The following PCM1 variants were observed in gnomAD, a reference collection of about 807,000 sequenced individuals.
PCM1 encodes pericentriolar material 1 protein.
In PCM1, 157 loss-of-function variants were observed where a neutral mutation model predicts 241.9. The observed-to-expected ratio is 0.65, with a 90% CI of 0.57 to 0.74. PCM1 has a LOEUF of 0.74. PCM1 is among the 30% of genes least tolerant of loss of function. PCM1 has a pLI of 0.00. For missense variants in PCM1, 3,478 were observed against 2,360.1 expected, an observed-to-expected ratio of 1.47 and a Z score of -9.81; for synonymous variants, 1,085 against 784.9, an observed-to-expected ratio of 1.38 and a Z score of -6.39.
intron 21 of PCM1, among the ~76,000 whole-genome samples, chr8:17,968,457 AGCT>A (rs2075714874): frequency 6.6e-6 from 1 of 152,212 alleles, no homozygotes; most frequent in Non-Finnish European, 1.5e-5. Context: ...AAAGAATGAT[AGCT>A]TGGCCTTAGG....
At chr8:17,932,849 A>G (rs2059425948) in intron 2 of PCM1, among the ~76,000 whole-genome samples, 2 of 152,174 alleles carry the variant, frequency 1.3e-5, no homozygotes. Context: ...AGTATGATAT[A>G]AGGCAGCCTT....
At chr8:18,001,692 T>C (rs1446219682) in intron 29 of PCM1, among the ~76,000 whole-genome samples, 2 of 152,234 alleles carry the variant, frequency 1.3e-5, no homozygotes, top group East Asian at 1.9e-4. Flanking sequence ...TAGTTTCTTA[T>C]ATTGTACTCA....
In PCM1 at chr8:17,972,446, A is replaced by T; in HGVS notation, c.3702A>T (p.Lys1234Asn). Residue 1234 changes from lysine (K) to asparagine (N), a missense_variant, in exon 23 of 39, where the codon AAA (lysine) becomes AAT (asparagine). Transcript: ENST00000325083. ...CTGGATTTTCAGTGTCTGTAGAAAA[A>T]TCTACAAGTAGTAACCGCAAAAATC... ...IKTGFSVSVE[K>N]STSSNRKNQL... is the part of the protein sequence containing the mutation. The T allele has an allele frequency of 6.2e-7, 1 of 1,613,086 alleles. No individual in the cohort carries two copies. The highest frequency in any genetic ancestry group is 1.7e-5 in the Admixed American group (1 of 59,882).
intron 6 of PCM1, among the ~76,000 whole-genome samples, chr8:17,945,475 C>A (rs2129453379): frequency 6.6e-6 from 1 of 152,266 alleles, no homozygotes; most frequent in East Asian, 1.9e-4. Context: ...GACTAGGCAC[C>A]TCTGATGTTT....
chr8:17,960,289 T>C (rs371248440), intron 14 of PCM1, 26 bp from the exon 15 acceptor site: 73 of 1,590,954 alleles, frequency 4.6e-5, no homozygotes, highest in Admixed American at 7.5e-5. Context: ...TTGGAGTCCA[T>C]AAATATAATG....
At chr8:18,018,723 A>C (rs1269607707) in intron 36 of PCM1, among the ~76,000 whole-genome samples, 2 of 151,300 alleles carry the variant, frequency 1.3e-5, no homozygotes, top group Non-Finnish European at 2.9e-5. Flanking sequence ...AGGCAGGAGA[A>C]TCGCTTGAAC....
At chr8:18,021,920 A>C (rs1489814248) in intron 36 of PCM1, among the ~76,000 whole-genome samples, 1 of 152,214 alleles carries the variant, frequency 6.6e-6, no homozygotes, top group Non-Finnish European at 1.5e-5. Flanking sequence ...TGGATTATGC[A>C]AAAGTCTATT....
intron 6 of PCM1, chr8:17,940,083 A>G (rs1349226633): frequency 1.3e-6 from 2 of 1,581,276 alleles, no homozygotes; most frequent in Admixed American, 1.7e-5. Context: ...CTATAGATTC[A>G]GCTGTGGGAT....
intron 6 of PCM1, among the ~76,000 whole-genome samples, chr8:17,944,856 T>C (rs1373079734): frequency 6.6e-6 from 1 of 152,184 alleles, no homozygotes; most frequent in Non-Finnish European, 1.5e-5. Context: ...AATTCATTTT[T>C]AGATTAGTGA....
chr8:17,985,807 T>C (rs2082391968), intron 25 of PCM1, among the ~76,000 whole-genome samples, 152 bp from the exon 26 acceptor site: 1 of 151,862 alleles, frequency 6.6e-6, no homozygotes, highest in South Asian at 2.1e-4. Context: ...TGAGTACTTT[T>C]TCAGTGTTTT....
intron 30 of PCM1, 66 bp downstream of exon 30, chr8:18,006,463 G>T: frequency 9.3e-7 from 1 of 1,071,150 alleles, no homozygotes; most frequent in Non-Finnish European, 1.4e-6. Context: ...TTCGGGGGGT[G>T]GGTGAGGCAT....
intron 8 of PCM1, among the ~76,000 whole-genome samples, chr8:17,951,589 A>G (rs2066027736): frequency 6.6e-6 from 1 of 152,182 alleles, no homozygotes; most frequent in South Asian, 2.1e-4. Flanking sequence ...TAAATAAGCC[A>G]TTGCTAATGA....
chr8:17,980,668 C>T lies in PCM1; in HGVS notation c.4021C>T (p.Pro1341Ser). The T allele has an allele frequency of 1.2e-6, 2 of 1,612,964 alleles. No individual in the cohort carries two copies. The highest frequency in any genetic ancestry group is 2.2e-5 in the East Asian group (1 of 44,832). ...RNRHSAQTEEPVQAKVFSRKN... is the reference protein window; with the variant it reads ...RNRHSAQTEESVQAKVFSRKN... ...CAGACATTCAGCCCAGACTGAAGAGCCTGTTCAAGCAAAAGTATTCAGCAG... is the reference window on the plus strand; with the variant it reads ...CAGACATTCAGCCCAGACTGAAGAGTCTGTTCAAGCAAAAGTATTCAGCAG... The change falls in exon 24 of 39, where the codon CCT becomes TCT. Residue 1341 changes from proline to serine, a missense_variant. By Grantham distance (74) the Pro-to-Ser change is moderately conservative (BLOSUM62 -1). Coordinates refer to ENST00000325083, the MANE Select transcript of PCM1 (RefSeq NM_006197.4).
intron 29 of PCM1, among the ~76,000 whole-genome samples, chr8:17,995,951 A>G (rs907596621): frequency 6.6e-6 from 1 of 152,120 alleles, no homozygotes; most frequent in Non-Finnish European, 1.5e-5. Context: ...GGCTTTTCCA[A>G]GTATAAGATT....
chr8:18,014,031 G>C lies in PCM1; in HGVS notation c.5579G>C (p.Ser1860Thr), dbSNP rs779069057. The C allele has an allele frequency of 1.3e-6, 2 of 1,562,664 alleles. No homozygotes were observed. The highest frequency in any genetic ancestry group is 1.7e-6 in the Non-Finnish European group (2 of 1,146,922). ...KNVPLEREATSKNDQNNCPVK... is the reference protein window; with the variant it reads ...KNVPLEREATTKNDQNNCPVK... Reference sequence around the variant, plus strand: ...GTCCCATTGGAACGAGAAGCCACTAGTAAAAGTAAGAAATCTAAATAAGTC... The same window carrying C: ...GTCCCATTGGAACGAGAAGCCACTACTAAAAGTAAGAAATCTAAATAAGTC... The change falls in exon 35 of 39, where the codon AGT (serine) becomes ACT (threonine). Residue 1860 changes from serine (S) to threonine (T), a missense_variant. Coordinates refer to ENST00000325083, the MANE Select transcript of PCM1 (RefSeq NM_006197.4).
chr8:18,004,243 T>C (rs576106657), intron 29 of PCM1, among the ~76,000 whole-genome samples: 77 of 152,308 alleles, frequency 5.1e-4, no homozygotes, highest in African/African-American at 1.7e-3. Context: ...GTCTGTGAAA[T>C]GTTTAAAAAG....
At position 17,953,762 on chromosome 8, in the gene PCM1, G is replaced by T. The variant is rs889738857; in HGVS notation, c.1288+576G>T. 7.2e-5 allele frequency among the ~76,000 whole-genome samples: 11 copies of T among 152,212 alleles called. No individual in the cohort carries two copies. In the East Asian group the frequency reaches 2.1e-3, roughly 29 times the overall value. ...GCTCCACACGTGTTTAACCTTCTTTGTCTAAATCAGATCTAGTCTTCAGTT... is the reference window on the plus strand; with the variant it reads ...GCTCCACACGTGTTTAACCTTCTTTTTCTAAATCAGATCTAGTCTTCAGTT... On this transcript the variant is annotated intron_variant, in intron 9 of 38. Transcript: ENST00000325083.
At chr8:18,011,189 T>C (rs545045388) in intron 32 of PCM1, 48 bp from the exon 33 acceptor site, 38 of 1,405,404 alleles carry the variant, frequency 2.7e-5, no homozygotes, top group Non-Finnish European at 3.6e-5. Context: ...ATATACCTTT[T>C]ACACATGTAC....
At chr8:17,991,820 G>A (rs2084745812) in intron 28 of PCM1, 120 bp downstream of exon 28, 2 of 630,718 alleles carry the variant, frequency 3.2e-6, no homozygotes, top group African/African-American at 1.9e-5. Flanking sequence ...AGTATACACT[G>A]TACCCAGTGT....
Sources: allele counts gnomAD v4.1 joint callset (sites outside exome capture counted in the v4.1 genomes callset), GRCh38; gene constraint gnomAD v4.1.1; transcripts MANE v1.5; gene names NCBI Gene and HGNC (gene_info 2026-07-23, HGNC 2026-07-21).